TMTC1: variants seen among roughly 807,000 people sequenced by gnomAD.
TMTC1 encodes transmembrane O-mannosyltransferase targeting cadherins 1, also known as protein O-mannosyl-transferase TMTC1.
A neutral mutation model predicts 104.8 loss-of-function variants in TMTC1; 73 were observed. The ratio of observed to expected loss-of-function variants is 0.70; its 90% confidence interval spans 0.58 to 0.85. The LOEUF (loss-of-function observed/expected upper bound fraction) is 0.85. Ranked by LOEUF, TMTC1 falls within the 40% of genes least tolerant of loss-of-function variation. The pLI is 0.00. For missense variants in TMTC1, 1,035 were observed against 1,096.1 expected (o/e 0.94, Z 0.79); for synonymous variants, 434 against 428.7 (o/e 1.01, Z -0.15).
At chr12:29,731,357 A>T (rs1942541079) in intron 5 of TMTC1, among the ~76,000 whole-genome samples, 1 of 152,116 alleles carries the variant, frequency 6.6e-6, no homozygotes, top group Admixed American at 6.6e-5. Context: ...GCGTTTCATC[A>T]TATTGGCCAG....
At chr12:29,587,370 G>A (rs942972312) in intron 7 of TMTC1, among the ~76,000 whole-genome samples, 1 of 151,024 alleles carries the variant, frequency 6.6e-6, no homozygotes, top group Non-Finnish European at 1.5e-5. Flanking sequence ...GACTCACTTT[G>A]TCTCCCAGGC....
chr12:29,753,637 T>A (rs1252913570), intron 4 of TMTC1, among the ~76,000 whole-genome samples: 2 of 152,382 alleles, frequency 1.3e-5, no homozygotes, highest in African/African-American at 2.4e-5. Context: ...CCGTGTTACA[T>A]CCTCTGGTTC....
At chr12:29,782,465 A>T (rs890729980) in intron 1 of TMTC1, among the ~76,000 whole-genome samples, 3 of 151,914 alleles carry the variant, frequency 2.0e-5, no homozygotes, top group African/African-American at 7.3e-5. Context: ...ACCCGTTGCA[A>T]AAAGGCTTAA....
intron 8 of TMTC1, among the ~76,000 whole-genome samples, chr12:29,573,089 C>T (rs776786210): frequency 1.3e-5 from 2 of 152,088 alleles, no homozygotes; most frequent in African/African-American, 4.8e-5. Context: ...ACAAGGTCAT[C>T]GCTTCCTCCT....
At chr12:29,741,595 C>T (rs1475979896) in intron 5 of TMTC1, among the ~76,000 whole-genome samples, 1 of 152,184 alleles carries the variant, frequency 6.6e-6, no homozygotes, top group East Asian at 1.9e-4. Flanking sequence ...TTGCACTACC[C>T]TGTGCTATCT....
At chr12:29,620,196 G>A (rs541471845) in intron 6 of TMTC1, among the ~76,000 whole-genome samples, 1 of 152,318 alleles carries the variant, frequency 6.6e-6, no homozygotes, top group African/African-American at 2.4e-5. Flanking sequence ...CCTCCATACT[G>A]AGTGTTTCAT....
chr12:29,693,846 A>T (rs1295701892), intron 5 of TMTC1, among the ~76,000 whole-genome samples: 2 of 152,238 alleles, frequency 1.3e-5, no homozygotes, highest in African/African-American at 4.8e-5. Flanking sequence ...ATGCCCGGGC[A>T]GACTGACAGC....
chr12:29,631,854 T>C (rs929352797), intron 6 of TMTC1, among the ~76,000 whole-genome samples: 9 of 152,312 alleles, frequency 5.9e-5, no homozygotes, highest in Admixed American at 1.3e-4. Flanking sequence ...GGATTTCTCT[T>C]GTGCCAACAT....
intron 10 of TMTC1, among the ~76,000 whole-genome samples, chr12:29,553,703 C>T (rs918816868): frequency 2.0e-5 from 3 of 152,130 alleles, no homozygotes; most frequent in Non-Finnish European, 4.4e-5. Flanking sequence ...GTGTTGGTTA[C>T]CCAATAACTC....
intron 6 of TMTC1, among the ~76,000 whole-genome samples, chr12:29,625,762 T>C (rs1591823046): frequency 1.3e-5 from 2 of 152,326 alleles, no homozygotes; most frequent in South Asian, 4.1e-4. Flanking sequence ...TGAGAGCTTA[T>C]GTTTAACACA....
chr12:29,651,818 A>G (rs1384832467), intron 5 of TMTC1, among the ~76,000 whole-genome samples: 1 of 152,154 alleles, frequency 6.6e-6, no homozygotes, highest in Non-Finnish European at 1.5e-5. Flanking sequence ...ATTATTAGGA[A>G]TTTGGACAAA....
chr12:29,542,783 G>T (rs938051061), intron 10 of TMTC1, among the ~76,000 whole-genome samples: 1 of 152,040 alleles, frequency 6.6e-6, no homozygotes, highest in African/African-American at 2.4e-5. Flanking sequence ...TGGTTAATTT[G>T]CCCCATGAAA....
intron 6 of TMTC1, among the ~76,000 whole-genome samples, chr12:29,609,087 G>T (rs1192953233): frequency 6.6e-6 from 1 of 152,090 alleles, no homozygotes; most frequent in Non-Finnish European, 1.5e-5. Context: ...TGGAAAATAG[G>T]CTTATTATAG....
At chr12:29,749,932 C>T (rs1264264078) in intron 5 of TMTC1, among the ~76,000 whole-genome samples, 1 of 152,092 alleles carries the variant, frequency 6.6e-6, no homozygotes, top group Non-Finnish European at 1.5e-5. Flanking sequence ...AGCTAAGACC[C>T]CCTTTCCCTC....
intron 5 of TMTC1, among the ~76,000 whole-genome samples, chr12:29,711,100 G>A (rs59499757): frequency 0.68 from 101,459 of 150,306 alleles, 35,766 homozygotes; most frequent in Middle Eastern, 0.8. Context: ...CTCTTGTCTC[G>A]ACCTCCCAAG....
chr12:29,553,743 G>A (rs1945166556), intron 10 of TMTC1, among the ~76,000 whole-genome samples: 1 of 152,174 alleles, frequency 6.6e-6, no homozygotes, highest in Non-Finnish European at 1.5e-5. Context: ...CCATTGCCAA[G>A]TTCCAAAATG....
At chr12:29,741,451 T>C (rs1449341571) in intron 5 of TMTC1, among the ~76,000 whole-genome samples, 1 of 152,172 alleles carries the variant, frequency 6.6e-6, no homozygotes, top group African/African-American at 2.4e-5. Context: ...GAGTATCAAA[T>C]GACGTGAGGC....
At chr12:29,521,815 G>A (rs558423334) in intron 11 of TMTC1, among the ~76,000 whole-genome samples, 10 of 152,142 alleles carry the variant, frequency 6.6e-5, no homozygotes, top group South Asian at 2.1e-4. Context: ...TGATCCGCCC[G>A]TCTTGGCCTA....
intron 9 of TMTC1, chr12:29,569,013 C>G (rs1167810873): frequency 4.4e-6 from 2 of 455,510 alleles, no homozygotes; most frequent in Non-Finnish European, 8.8e-6. Flanking sequence ...TGAGAGCTGC[C>G]CCTCACAGCA....
Sources: gnomAD v4.1 joint callset for allele counts (sites outside exome capture counted in the v4.1 genomes callset) on GRCh38, gnomAD v4.1.1 for gene constraint, MANE v1.5 for transcripts, NCBI Gene and HGNC (gene_info 2026-07-23, HGNC 2026-07-21) for gene names.